The following ZNF717 variants were observed in gnomAD, a reference collection of about 807,000 sequenced individuals.
ZNF717 encodes krueppel-like factor X17.
In ZNF717, 9 loss-of-function variants were observed where a neutral mutation model predicts 13.8. The observed-to-expected ratio is 0.65, with a 90% CI of 0.39 to 1.14. The LOEUF is 1.14. Ranked by LOEUF, ZNF717 falls within the 50% of genes most tolerant of loss-of-function variation. The probability of loss-of-function intolerance (pLI) is 0.01; values close to 1 mark genes in which losing one functional copy is unlikely to be tolerated. For synonymous variants in ZNF717, 327 were observed against 364.1 expected, an observed-to-expected ratio of 0.90 and a Z score of 1.16; for missense variants, 1,040 against 1,080.7, an observed-to-expected ratio of 0.96 and a Z score of 0.53.
At chr3:75,765,676 A>G (rs927449446) in intron 2 of ZNF717, among the ~76,000 whole-genome samples, 20 of 152,134 alleles carry the variant, frequency 1.3e-4, no homozygotes, top group African/African-American at 4.8e-4. Context: ...CTTCCCACAG[A>G]GCTGAGATTA....
chr3:75,783,691 C>T (rs991980652), intron 1 of ZNF717, among the ~76,000 whole-genome samples: 6 of 152,024 alleles, frequency 3.9e-5, no homozygotes, highest in African/African-American at 1.4e-4. Context: ...TATAAGTTCA[C>T]TAAAATAAAT....
chr3:75,737,242 G>C lies in ZNF717; in HGVS notation c.2381C>G (p.Thr794Ser), dbSNP rs2107027413. The change falls in exon 5 of 5, where the codon ACT (threonine) becomes AGT (serine). Residue 794 changes from threonine (T) to serine (S), a missense_variant. Coordinates refer to ENST00000652011, the MANE Select transcript of ZNF717 (RefSeq NM_001290208.3). ...KPYECDECRK[T>S]FYDKTVLTIH... ...GGTGAGAACTGTCTTATCGTAAAAA[G>C]TTTTCCTACATTCATCACATTCATA... 3 of 1,552,960 alleles carry C rather than the reference G, an allele frequency of 1.9e-6. No homozygotes were observed. Among genetic ancestry groups the C allele is most frequent in the Admixed American group, 2.0e-5 (1 of 51,062 alleles).
chr3:75,738,746 T>C lies in ZNF717; in HGVS notation c.877A>G (p.Ile293Val), dbSNP rs77452021. 1.3e-6 allele frequency: 2 copies of C among 1,552,336 alleles called. No homozygotes were observed. Among genetic ancestry groups the C allele is most frequent in the Non-Finnish European group, 1.7e-6 (2 of 1,147,484 alleles). Residue 293 changes from isoleucine to valine, a missense_variant, in exon 5 of 5, where the codon ATT (isoleucine) becomes GTT (valine). Physicochemically the swap from Ile to Val is conservative, Grantham distance 29. Coordinates refer to ENST00000652011, the MANE Select transcript of ZNF717 (RefSeq NM_001290208.3). ...TGTAGCATAAGGTCTGATTTGCTAA[T>C]GGAGGGTTTCTCACATTCAACACAT... The part of the protein sequence containing the change: ...YECVECEKPS[I>V]SKSDLMLQCK...
At chr3:75,730,644 T>A (rs1199855446) in intron 5 of ZNF717, 3 of 701,854 alleles carry the variant, frequency 4.3e-6, no homozygotes, top group African/African-American at 1.7e-5. Flanking sequence ...TTTGAAACTA[T>A]CAGAATTTCA....
At chr3:75,727,877 A>G (rs1310616833), downstream of ZNF717, among the ~76,000 whole-genome samples, 6 of 152,238 alleles carry the variant, frequency 3.9e-5, no homozygotes, top group African/African-American at 4.8e-5. Context: ...CAAGGTCGCC[A>G]TCATAGTCCT....
At chr3:75,712,368 C>T (rs928197451) in intron 5 of ZNF717, among the ~76,000 whole-genome samples, 26 of 152,214 alleles carry the variant, frequency 1.7e-4, no homozygotes, top group African/African-American at 6.3e-4. Flanking sequence ...CCTTGTTGTT[C>T]TAACATAGGG....
intron 2 of ZNF717, among the ~76,000 whole-genome samples, chr3:75,774,200 A>AAAGAAAG (rs1553684050): frequency 6.9e-6 from 1 of 144,354 alleles, no homozygotes; most frequent in Non-Finnish European, 1.5e-5. Flanking sequence ...AAAAAAAAAA[A>AAAGAAAG]AAAGGAAAAA....
intron 4 of ZNF717, among the ~76,000 whole-genome samples, chr3:75,717,249 ATAGG>A (rs1938073951): frequency 6.6e-6 from 1 of 152,272 alleles, no homozygotes; most frequent in Non-Finnish European, 1.5e-5. Flanking sequence ...AGACAGTGTG[ATAGG>A]TATGTCAACA....
rs1293552722 is a variant in ZNF717 at position 75,739,337 on chromosome 3, T to A, written c.286A>T (p.Ile96Phe). The A allele has an allele frequency of 2.0e-6, 3 of 1,466,440 alleles. No individual in the cohort carries two copies. Among genetic ancestry groups the A allele is most frequent in the Non-Finnish European group, 2.7e-6 (3 of 1,111,634 alleles). The allele number at this position is 1,466,440 out of a possible 1,614,324, so 90.8% of individuals were successfully genotyped here. The change falls in exon 5 of 5, where the codon ATC (isoleucine) becomes TTC (phenylalanine). Residue 96 changes from isoleucine (I) to phenylalanine (F), a missense_variant. This residue lies in a region of ZNF717 where 123 missense variants were observed against 177.8 expected (regional missense o/e 0.69). Transcript: ENST00000652011. ...TPNLRLSAVQIIDDLIERSHE... is the reference protein window; with the variant it reads ...TPNLRLSAVQFIDDLIERSHE... ...CTCCTTTCAATAAGGTCATCAATGA[T>A]CTGGACAGCTGAAATGAGAAAAAAG... is the stretch of plus-strand genomic sequence containing the variant.
intron 6 of ZNF717, among the ~76,000 whole-genome samples, chr3:75,699,575 A>G: frequency 6.6e-6 from 1 of 152,312 alleles, no homozygotes; most frequent in African/African-American, 2.4e-5. Flanking sequence ...CACACTTACC[A>G]TGTGATGTGC....
chr3:75,701,366 T>G (rs1334116808), intron 6 of ZNF717, among the ~76,000 whole-genome samples: 1 of 152,308 alleles, frequency 6.6e-6, no homozygotes, highest in African/African-American at 2.4e-5. Flanking sequence ...TTAAACCCAT[T>G]TCCTTTATAA....
intron 2 of ZNF717, among the ~76,000 whole-genome samples, chr3:75,764,985 A>T (rs1943323280): frequency 7.7e-6 from 1 of 130,340 alleles, no homozygotes; most frequent in African/African-American, 3.0e-5. Flanking sequence ...ACGGATAAAC[A>T]AAAGGATATA....
chr3:75,743,735 T>C (rs1940767480), intron 2 of ZNF717, among the ~76,000 whole-genome samples: 1 of 152,258 alleles, frequency 6.6e-6, no homozygotes, highest in African/African-American at 2.4e-5. Flanking sequence ...TGGTACCAAT[T>C]TGCTGTGCAC....
At position 75,783,721 on chromosome 3, in the gene ZNF717, C is replaced by T. The variant is rs550495445; in HGVS notation, c.-2-357G>A. ...ATAAATGTTATAGAAATATACTGGGCTGTATTAACTATTTTCCTATTAATA... is the reference window on the plus strand; with the variant it reads ...ATAAATGTTATAGAAATATACTGGGTTGTATTAACTATTTTCCTATTAATA... On this transcript the variant is annotated intron_variant, in intron 1 of 4. Transcript: ENST00000652011. Among the ~76,000 whole-genome samples, 242 of 152,296 alleles carry T rather than the reference C, an allele frequency of 1.6e-3. 1 individual carries two copies. Among genetic ancestry groups the T allele is most frequent in the African/African-American group, 5.5e-3 (228 of 41,558 alleles).
At chr3:75,771,688 G>A (rs942478732) in intron 2 of ZNF717, among the ~76,000 whole-genome samples, 4 of 152,246 alleles carry the variant, frequency 2.6e-5, no homozygotes, top group Non-Finnish European at 2.9e-5. Flanking sequence ...TGCGCTCCTC[G>A]AAGCTGGTGG....
At chr3:75,777,787 T>C in intron 2 of ZNF717, among the ~76,000 whole-genome samples, 1 of 149,232 alleles carries the variant, frequency 6.7e-6, no homozygotes, top group Non-Finnish European at 1.5e-5. Context: ...GGGAGTGACA[T>C]GCTAAAACCG....
chr3:75,708,754 A>G (rs1306049042), downstream of ZNF717, among the ~76,000 whole-genome samples: 4 of 152,198 alleles, frequency 2.6e-5, no homozygotes, highest in Admixed American at 6.5e-5. Flanking sequence ...TAGAATAGCC[A>G]ATACAGAGAA....
chr3:75,748,545 TCAA>T (rs1334302181), intron 2 of ZNF717, among the ~76,000 whole-genome samples: 23 of 152,100 alleles, frequency 1.5e-4, no homozygotes, highest in African/African-American at 5.1e-4. Flanking sequence ...CACATGCAAA[TCAA>T]TAAATGTAAT....
chr3:75,709,011 T>TTC (rs1371056504), downstream of ZNF717, among the ~76,000 whole-genome samples: 5,395 of 151,284 alleles, frequency 0.036, 134 homozygotes, highest in South Asian at 0.062. Context: ...TCTTTTCTTT[T>TTC]TTTTTTTTAG....
Sources: allele counts gnomAD v4.1 joint callset (sites outside exome capture counted in the v4.1 genomes callset), GRCh38; gene constraint gnomAD v4.1.1; regional missense constraint gnomAD v4.1.1; transcripts MANE v1.5; gene names NCBI Gene and HGNC (gene_info 2026-07-23, HGNC 2026-07-21).